The following NCOA2 variants were observed in gnomAD, a reference collection of about 807,000 sequenced individuals.
NCOA2 encodes nuclear receptor coactivator 2.
Under a neutral mutation model 145.1 loss-of-function variants are expected in NCOA2, and 21 were observed. That is an observed-to-expected ratio of 0.14 (90% CI 0.10 to 0.21). NCOA2 has a LOEUF of 0.21. Among genes scored for constraint, NCOA2 ranks in the 10% least tolerant of loss-of-function variants. The pLI, the probability that NCOA2 is intolerant of heterozygous loss-of-function variation, is 1.00. For missense variants in NCOA2, 1,472 were observed against 1,837.6 expected, an observed-to-expected ratio of 0.80 and a Z score of 3.64; for synonymous variants, 619 against 637.5, an observed-to-expected ratio of 0.97 and a Z score of 0.44.
intron 8 of NCOA2, among the ~76,000 whole-genome samples, chr8:70,163,104 G>T (rs150479651): frequency 2.0e-5 from 3 of 151,932 alleles, no homozygotes; most frequent in Admixed American, 2.0e-4. Context: ...TAATACAGAT[G>T]AGGTTTTGCC....
chr8:70,387,028 A>G (rs549177610), intron 1 of NCOA2, among the ~76,000 whole-genome samples: 5 of 152,328 alleles, frequency 3.3e-5, no homozygotes, highest in African/African-American at 1.2e-4. Flanking sequence ...CTCCCACCTC[A>G]GCCTCCCAAG....
intron 2 of NCOA2, among the ~76,000 whole-genome samples, chr8:70,267,762 A>C (rs1454250978): frequency 3.3e-5 from 5 of 152,200 alleles, no homozygotes; most frequent in Non-Finnish European, 7.3e-5. Context: ...TCAAGGCCAT[A>C]AAATTCTATT....
intron 3 of NCOA2, among the ~76,000 whole-genome samples, chr8:70,215,048 A>G (rs1043159599): frequency 1.3e-5 from 2 of 152,104 alleles, no homozygotes; most frequent in African/African-American, 4.8e-5. Context: ...CAATGTCTCT[A>G]TTTTATAGTG....
At chr8:70,323,797 A>T (rs1420240158) in intron 1 of NCOA2, among the ~76,000 whole-genome samples, 2 of 152,178 alleles carry the variant, frequency 1.3e-5, no homozygotes, top group Admixed American at 6.6e-5. Context: ...GAAAAAAAAT[A>T]GTTTTTAAAA....
At chr8:70,376,354 C>G (rs1811666112) in intron 1 of NCOA2, among the ~76,000 whole-genome samples, 1 of 151,256 alleles carries the variant, frequency 6.6e-6, no homozygotes, top group Non-Finnish European at 1.5e-5. Context: ...ACACAGTGGC[C>G]CAGTACACAC....
chr8:70,320,245 TA>T (rs965482524), intron 1 of NCOA2, among the ~76,000 whole-genome samples: 80 of 151,966 alleles, frequency 5.3e-4, no homozygotes, highest in South Asian at 1.2e-3. Context: ...CTGGGTCTGT[TA>T]AAAAAAACAT....
the NCOA2 span, chr8:70,424,694 T>C: frequency 4.0e-6 from 1 of 252,314 alleles, no homozygotes; most frequent in Non-Finnish European, 8.0e-6. Flanking sequence ...TCCTAACTAC[T>C]CAATTCTGTC....
At chr8:70,263,736 AAAC>A (rs1824340327) in intron 2 of NCOA2, among the ~76,000 whole-genome samples, 1 of 151,864 alleles carries the variant, frequency 6.6e-6, no homozygotes, top group Non-Finnish European at 1.5e-5. Flanking sequence ...CTCAAAAAAA[AAAC>A]AAACAAACAA....
chr8:70,115,929 G>A (rs1025506669), intron 22 of NCOA2, among the ~76,000 whole-genome samples: 1 of 152,136 alleles, frequency 6.6e-6, no homozygotes, highest in African/African-American at 2.4e-5. Flanking sequence ...GCTCACACCT[G>A]TAATCCCAGC....
At chr8:70,418,574 G>A in the NCOA2 span, among the ~76,000 whole-genome samples, 6 of 152,280 alleles carry the variant, frequency 3.9e-5, no homozygotes, top group East Asian at 1.2e-3. Flanking sequence ...CAGCAGCAGA[G>A]ACCACACCGA....
intron 19 of NCOA2, 32 bp from the exon 20 acceptor site, chr8:70,124,897 A>C (rs1341078877): frequency 2.4e-5 from 37 of 1,548,220 alleles, no homozygotes; most frequent in Non-Finnish European, 3.0e-5. Flanking sequence ...AGAAATCCAA[A>C]AGAGACTGTT....
intron 1 of NCOA2, among the ~76,000 whole-genome samples, chr8:70,379,412 T>G (rs1296785579): frequency 6.6e-6 from 1 of 152,158 alleles, no homozygotes; most frequent in African/African-American, 2.4e-5. Flanking sequence ...AGATTTAATA[T>G]CATGTGGTTT....
At chr8:70,320,418 T>C (rs1392473580) in intron 1 of NCOA2, among the ~76,000 whole-genome samples, 1 of 152,074 alleles carries the variant, frequency 6.6e-6, no homozygotes, top group African/African-American at 2.4e-5. Context: ...TAATTAAAAC[T>C]AGAAATAAGA....
the NCOA2 span, among the ~76,000 whole-genome samples, chr8:70,451,572 TCA>T: frequency 6.8e-6 from 1 of 146,154 alleles, no homozygotes; most frequent in Non-Finnish European, 1.5e-5. Context: ...GCTTAAGCAC[TCA>T]CAAATATTTT....
chr8:70,340,012 T>C (rs1807981161), intron 1 of NCOA2, among the ~76,000 whole-genome samples: 1 of 152,164 alleles, frequency 6.6e-6, no homozygotes. Flanking sequence ...GGCAATACCA[T>C]TCAGGACATA....
At chr8:70,282,948 G>A (rs1459398787) in intron 2 of NCOA2, among the ~76,000 whole-genome samples, 1 of 152,146 alleles carries the variant, frequency 6.6e-6, no homozygotes, top group Non-Finnish European at 1.5e-5. Context: ...ACATATGAAT[G>A]AGTGTGTCTG....
chr8:70,439,297 G>A, the NCOA2 span, among the ~76,000 whole-genome samples: 1 of 152,170 alleles, frequency 6.6e-6, no homozygotes, highest in Non-Finnish European at 1.5e-5. Context: ...GAGACATAAT[G>A]GAGTAGTGGC....
At position 70,141,287 on chromosome 8, in the gene NCOA2, T is replaced by G. The variant is rs780587178; in HGVS notation, c.2925A>C (p.Pro975=). The G allele has an allele frequency of 1.2e-6, 2 of 1,613,868 alleles. No individual in the cohort carries two copies. The highest frequency in any genetic ancestry group is 2.7e-5 in the African/African-American group (2 of 74,928). ...CAATTSAMNR[P]VQGGMIRNPA... is the part of the protein sequence containing the mutation. ...GGTTCCGAATCATACCTCCTTGGAC[T>G]GGCCGGTTCATGGCACTGGTGGTAG... Residue 975 remains proline, a synonymous_variant, in exon 14 of 23, where the codon CCA becomes CCC. Transcript: ENST00000452400.
In NCOA2 at chr8:70,321,949, T is replaced by G. The variant is rs78946664; in HGVS notation, c.-76-25149A>C. On this transcript the variant is annotated intron_variant, in intron 1 of 22. Transcript: ENST00000452400. ...TTCGAGACCAGCCAGGCAAACATGG[T>G]GAAACCTCATCTCTACTAAAAATAC... Among the ~76,000 whole-genome samples the G allele has an allele frequency of 3.8e-3, 573 of 151,622 alleles. 8 individuals carry two copies. The highest frequency in any genetic ancestry group is 0.013 in the African/African-American group (557 of 41,302).
Sources: gnomAD v4.1 joint callset for allele counts (sites outside exome capture counted in the v4.1 genomes callset) on GRCh38, gnomAD v4.1.1 for gene constraint, MANE v1.5 for transcripts, NCBI Gene and HGNC (gene_info 2026-07-23, HGNC 2026-07-21) for gene names.